STK32B: variants seen among roughly 807,000 people sequenced by gnomAD.
STK32B encodes the protein serine/threonine kinase 32B.
A neutral mutation model predicts 52.6 loss-of-function variants in STK32B; 43 were observed. The observed-to-expected ratio is 0.82, with a 90% CI of 0.64 to 1.05. STK32B has a LOEUF of 1.05. STK32B is among the 50% of genes least tolerant of loss of function. The pLI is 0.00. For missense variants in STK32B, 621 were observed against 534.6 expected (o/e 1.16, Z -1.59); for synonymous variants, 238 against 204.3 (o/e 1.17, Z -1.41).
chr4:5,121,261 A>G (rs1407420787), intron 1 of STK32B, among the ~76,000 whole-genome samples: 2 of 152,182 alleles, frequency 1.3e-5, no homozygotes, highest in African/African-American at 2.4e-5. Context: ...GTTCCTTTCT[A>G]TGGCTGAGTA....
intron 1 of STK32B, among the ~76,000 whole-genome samples, chr4:5,074,607 C>G (rs993884327): frequency 6.6e-6 from 1 of 152,012 alleles, no homozygotes; most frequent in Non-Finnish European, 1.5e-5. Flanking sequence ...TAGAAGCTAG[C>G]ATGTGTAAAG....
At chr4:5,491,233 CTGT>C (rs1423389758) in intron 11 of STK32B, among the ~76,000 whole-genome samples, 1 of 152,198 alleles carries the variant, frequency 6.6e-6, no homozygotes, top group East Asian at 1.9e-4. Context: ...TCTCCAGCAC[CTGT>C]TGTTTCCTGA....
At chr4:5,410,671 C>T (rs922091566) in intron 5 of STK32B, among the ~76,000 whole-genome samples, 3 of 152,136 alleles carry the variant, frequency 2.0e-5, no homozygotes, top group African/African-American at 7.2e-5. Context: ...GGGGTTATTC[C>T]ATCAGGTTGC....
At chr4:5,208,055 A>T in intron 3 of STK32B, among the ~76,000 whole-genome samples, 1 of 152,132 alleles carries the variant, frequency 6.6e-6, no homozygotes, top group East Asian at 1.9e-4. Flanking sequence ...TCAATGGCTT[A>T]AAAGAACAGA....
intron 3 of STK32B, among the ~76,000 whole-genome samples, chr4:5,288,711 TG>T (rs1368963407): frequency 5.3e-5 from 8 of 152,330 alleles, no homozygotes; most frequent in African/African-American, 1.9e-4. Context: ...TTCTTGATAG[TG>T]TCCTTTGGAA....
chr4:5,045,883 T>C, the STK32B span, among the ~76,000 whole-genome samples: 1 of 152,198 alleles, frequency 6.6e-6, no homozygotes, highest in Non-Finnish European at 1.5e-5. Flanking sequence ...CTCTTCCTAT[T>C]TGAATACCCC....
chr4:5,125,579 G>T (rs553057478), intron 1 of STK32B, among the ~76,000 whole-genome samples: 22 of 152,278 alleles, frequency 1.4e-4, no homozygotes, highest in African/African-American at 5.3e-4. Flanking sequence ...TGCCCAGCAG[G>T]CTGAGCCTGC....
rs138325439 is a variant in STK32B, at chr4:5,147,135, T to C, written c.108+7175T>C. Among the ~76,000 whole-genome samples the C allele has an allele frequency of 2.0e-4, 30 of 152,274 alleles. No individual in the cohort carries two copies. In the East Asian group the frequency reaches 5.4e-3, roughly 27 times the overall value. ...TTAGGGTAGAGGCTTTGCCCTTTTT[T>C]GCACTAATGTTTTTCCCAAATAGTT... On this transcript the variant is annotated intron_variant, in intron 2 of 11. Transcript: ENST00000282908.
At chr4:5,242,875 A>C (rs1014308770) in intron 3 of STK32B, among the ~76,000 whole-genome samples, 1 of 152,168 alleles carries the variant, frequency 6.6e-6, no homozygotes, top group East Asian at 1.9e-4. Flanking sequence ...TTTGTCAAAG[A>C]TCAGATGGTT....
At chr4:5,411,566 G>A (rs139033243) in intron 5 of STK32B, among the ~76,000 whole-genome samples, 2 of 152,292 alleles carry the variant, frequency 1.3e-5, no homozygotes, top group Non-Finnish European at 2.9e-5. Flanking sequence ...TGTGTGGGAG[G>A]TTGTATGCAG....
At position 5,395,943 on chromosome 4, in the gene STK32B, C is replaced by T. The variant is rs551392093; in HGVS notation, c.435-2264C>T. 3.9e-5 allele frequency among the ~76,000 whole-genome samples: 6 copies of T among 152,260 alleles called. No individual in the cohort carries two copies. The highest frequency in any genetic ancestry group is 6.5e-5 in the Admixed American group (1 of 15,302). On this transcript the variant is annotated intron_variant, in intron 4 of 11. Transcript: ENST00000282908. The surrounding 1 kb of genome is among the most constrained non-coding windows in gnomAD (Gnocchi z 4.4). ...TCTCAGGATATGAGACAATGTGCGC[C>T]GGTGCAATGTGGATGTGGGGGCGTG...
chr4:5,122,331 C>G (rs915509775), intron 1 of STK32B, among the ~76,000 whole-genome samples: 8 of 152,064 alleles, frequency 5.3e-5, no homozygotes, highest in African/African-American at 1.7e-4. Context: ...GTCACCCATT[C>G]ACTCATTCAT....
At chr4:5,070,596 A>G (rs1711706397) in intron 1 of STK32B, among the ~76,000 whole-genome samples, 1 of 152,242 alleles carries the variant, frequency 6.6e-6, no homozygotes, top group African/African-American at 2.4e-5. Context: ...GGATAATCAA[A>G]TTAAAATGAA....
At chr4:5,204,766 C>A (rs1019649055) in intron 3 of STK32B, among the ~76,000 whole-genome samples, 1 of 152,058 alleles carries the variant, frequency 6.6e-6, no homozygotes, top group Non-Finnish European at 1.5e-5. Context: ...CTGCTCCCGG[C>A]GTGTCCTGGG....
intron 1 of STK32B, among the ~76,000 whole-genome samples, chr4:5,086,821 T>C (rs946253644): frequency 2.0e-5 from 3 of 152,178 alleles, no homozygotes; most frequent in African/African-American, 4.8e-5. Flanking sequence ...CTACTGTCAA[T>C]CAAGAATTGT....
intron 4 of STK32B, among the ~76,000 whole-genome samples, chr4:5,349,204 T>C (rs766947588): frequency 1.3e-5 from 2 of 152,068 alleles, no homozygotes; most frequent in Non-Finnish European, 2.9e-5. Context: ...ATAAAGCCAG[T>C]GCCAGTATAT....
chr4:5,082,319 G>A (rs1363396874), intron 1 of STK32B, among the ~76,000 whole-genome samples: 2 of 152,204 alleles, frequency 1.3e-5, no homozygotes, highest in Non-Finnish European at 2.9e-5. Flanking sequence ...GTTCACACTT[G>A]CACAAGTCCA....
intron 4 of STK32B, 77 bp downstream of exon 4, chr4:5,331,470 G>A (rs916059374): frequency 1.4e-6 from 2 of 1,476,540 alleles, no homozygotes; most frequent in Admixed American, 2.2e-5. Context: ...GCAGTAGTGG[G>A]GAGAGAATTT....
chr4:5,247,995 G>A (rs1256121541), intron 3 of STK32B, among the ~76,000 whole-genome samples: 1 of 152,042 alleles, frequency 6.6e-6, no homozygotes, highest in Admixed American at 6.6e-5. Context: ...GGCAGCCATG[G>A]GTTAGCTTCA....
Sources: allele counts gnomAD v4.1 joint callset (sites outside exome capture counted in the v4.1 genomes callset), GRCh38; gene constraint gnomAD v4.1.1; non-coding constraint Gnocchi (gnomAD v3.1); transcripts MANE v1.5; gene names NCBI Gene and HGNC (gene_info 2026-07-23, HGNC 2026-07-21).